PTGR1: variants seen among roughly 807,000 people sequenced by gnomAD.
PTGR1 encodes the protein prostaglandin reductase 1.
A neutral mutation model predicts 37.7 loss-of-function variants in PTGR1; 23 were observed. The ratio of observed to expected loss-of-function variants is 0.61; its 90% CI spans 0.44 to 0.86. The LOEUF is 0.86. Among genes scored for constraint, PTGR1 ranks in the 40% least tolerant of loss-of-function variants. The pLI, the probability that PTGR1 is intolerant of heterozygous loss-of-function variation, is 0.00. For synonymous variants in PTGR1, 134 were observed against 140.0 expected, an observed-to-expected ratio of 0.96 and a Z score of 0.30; for missense variants, 351 against 394.3, an observed-to-expected ratio of 0.89 and a Z score of 0.93.
intron 9 of PTGR1, among the ~76,000 whole-genome samples, chr9:111,551,619 C>T (rs1465998281): frequency 6.6e-6 from 1 of 151,938 alleles, no homozygotes; most frequent in Non-Finnish European, 1.5e-5. Context: ...CCAGGCTGTT[C>T]TCCAACTCCT....
intron 5 of PTGR1, 41 bp from the exon 6 acceptor site, chr9:111,583,630 C>T (rs952434751): frequency 3.4e-6 from 5 of 1,471,520 alleles, no homozygotes; most frequent in Non-Finnish European, 4.8e-6. Context: ...AGAGTTGTTT[C>T]TTTCCTCTAT....
chr9:111,561,485 A>G (rs1464564654), downstream of PTGR1, among the ~76,000 whole-genome samples: 1 of 152,070 alleles, frequency 6.6e-6, no homozygotes, highest in Non-Finnish European at 1.5e-5. Flanking sequence ...GTCTGGTCTC[A>G]AACTCCTGGA....
chr9:111,562,075 A>G (rs929572999), downstream of PTGR1, among the ~76,000 whole-genome samples: 4 of 152,054 alleles, frequency 2.6e-5, no homozygotes, highest in African/African-American at 7.2e-5. Flanking sequence ...TAGTAGAGAC[A>G]GGGTCTTGCC....
intron 4 of PTGR1, among the ~76,000 whole-genome samples, chr9:111,588,521 G>T (rs1829510446): frequency 7.0e-6 from 1 of 142,612 alleles, no homozygotes; most frequent in Non-Finnish European, 1.5e-5. Context: ...TGAGCCACGT[G>T]CCTGGCCAAT....
At chr9:111,574,604 TAAAAAA>T in intron 8 of PTGR1, 124 bp downstream of exon 8, 1 of 489,918 alleles carries the variant, frequency 2.0e-6, no homozygotes, top group Non-Finnish European at 3.4e-6. Context: ...GACTCTGTCT[TAAAAAA>T]AAAAAAAAAA....
rs937602007 is a variant in PTGR1, at chr9:111,594,167, T to A, written c.152+55A>T. 2.7e-6 allele frequency: 4 copies of A among 1,504,874 alleles called. No individual in the cohort carries two copies. In the South Asian group the frequency reaches 4.5e-5, roughly 17 times the overall value. 93.2% of individuals were successfully genotyped at this position (1,504,874 alleles called of 1,614,324 possible). ...TTGGATATTTTAGAAGATGAACTACTTCCAGATAGCATTTAACACAGCATT... is the reference window on the plus strand; with the variant it reads ...TTGGATATTTTAGAAGATGAACTACATCCAGATAGCATTTAACACAGCATT... On this transcript the variant is annotated intron_variant, in intron 3 of 9. Coordinates refer to ENST00000407693, the MANE Select transcript of PTGR1 (RefSeq NM_001146108.2).
intron 8 of PTGR1, 75 bp downstream of exon 8, chr9:111,574,659 G>T: frequency 2.1e-6 from 2 of 931,784 alleles, no homozygotes; most frequent in South Asian, 1.7e-5. Flanking sequence ...CAGAGTCACT[G>T]GCCTATGGCA....
chr9:111,557,369 A>C (rs1828154269), intron 9 of PTGR1, among the ~76,000 whole-genome samples: 1 of 149,526 alleles, frequency 6.7e-6, no homozygotes, highest in South Asian at 2.1e-4. Context: ...TCGAGACTCC[A>C]TCTCCAGTAA....
At chr9:111,550,782 T>A (rs1336343471) in intron 9 of PTGR1, among the ~76,000 whole-genome samples, 1 of 152,220 alleles carries the variant, frequency 6.6e-6, no homozygotes, top group Non-Finnish European at 1.5e-5. Context: ...AAGTGCATTA[T>A]CTGATTCTTT....
intron 3 of PTGR1, among the ~76,000 whole-genome samples, chr9:111,593,603 T>C (rs763547710): frequency 3.9e-5 from 6 of 152,224 alleles, no homozygotes; most frequent in Non-Finnish European, 8.8e-5. Flanking sequence ...GAAAAACTGA[T>C]TTTAGTCTTA....
In PTGR1 at chr9:111,592,976, T is replaced by C; in HGVS notation, c.159A>G (p.Ala53=). 1 of 1,107,582 alleles carries C rather than the reference T, an allele frequency of 9.0e-7. No homozygotes were observed. The highest frequency in any genetic ancestry group is 1.2e-6 in the Non-Finnish European group (1 of 815,546). The allele number at this position is 1,107,582 out of a possible 1,614,324, so 68.6% of individuals were successfully genotyped here. A position where few individuals can be genotyped will look rare whatever the true frequency, so the allele number is the denominator to read the frequency against. The change falls in exon 4 of 10, where the codon GCA becomes GCG. Residue 53 remains alanine (A), a synonymous_variant. Coordinates refer to ENST00000407693, the MANE Select transcript of PTGR1 (RefSeq NM_001146108.2). The part of the protein sequence containing the change: ...FLTVDPYMRV[A]AKRLKEGDTM... Reference sequence around the variant, plus strand: ...TATCACCTTCCTTCAATCTTTTGGCTGCCACTCTGCAAAAAAAAAAAAAAA... The same window carrying C: ...TATCACCTTCCTTCAATCTTTTGGCCGCCACTCTGCAAAAAAAAAAAAAAA...
intron 7 of PTGR1, chr9:111,576,553 T>C (rs1829063390): frequency 9.0e-7 from 1 of 1,114,688 alleles, no homozygotes; most frequent in Admixed American, 2.6e-5. Flanking sequence ...TATTAGCTAG[T>C]GGAGTGGCCA....
chr9:111,572,548 C>T (rs1394482019), intron 8 of PTGR1, among the ~76,000 whole-genome samples: 1 of 151,968 alleles, frequency 6.6e-6, no homozygotes, highest in African/African-American at 2.4e-5. Flanking sequence ...CGAGATCGTG[C>T]CATTGCACTC....
downstream of PTGR1, among the ~76,000 whole-genome samples, chr9:111,560,944 AATATATATATATATATATAT>A (rs746101013): frequency 1.3e-4 from 4 of 31,208 alleles, no homozygotes; most frequent in Non-Finnish European, 1.7e-4. Context: ...CTCCATCTAA[AATATATATATATATATATAT>A]ATATATATAT....
chr9:111,584,046 G>A (rs985422101), intron 5 of PTGR1, among the ~76,000 whole-genome samples: 6 of 152,164 alleles, frequency 3.9e-5, no homozygotes, highest in Admixed American at 2.0e-4. Flanking sequence ...GGAGCATCTG[G>A]AGCTTTCCAT....
intron 2 of PTGR1, among the ~76,000 whole-genome samples, chr9:111,596,912 G>A (rs902711316): frequency 2.4e-4 from 27 of 111,564 alleles, no homozygotes; most frequent in African/African-American, 9.2e-4. Context: ...GGGCAACAGA[G>A]CAAGACTCTG....
intron 7 of PTGR1, among the ~76,000 whole-genome samples, chr9:111,578,160 C>T (rs1230768851): frequency 2.6e-5 from 4 of 152,024 alleles, no homozygotes; most frequent in African/African-American, 9.7e-5. Flanking sequence ...TCTTCATGTA[C>T]CCCAAAATGG....
intron 3 of PTGR1, 128 bp downstream of exon 3, chr9:111,594,094 G>C (rs1829704177): frequency 1.0e-6 from 1 of 1,002,908 alleles, no homozygotes; most frequent in African/African-American, 1.6e-5. Flanking sequence ...TCTTATCACT[G>C]ATACTGGCTG....
chr9:111,557,083 A>G (rs965588630), intron 9 of PTGR1, among the ~76,000 whole-genome samples: 8 of 152,138 alleles, frequency 5.3e-5, no homozygotes, highest in African/African-American at 1.7e-4. Flanking sequence ...CATTTTCCCC[A>G]TTGTCTTGGC....
Sources: allele counts gnomAD v4.1 joint callset (sites outside exome capture counted in the v4.1 genomes callset), GRCh38; gene constraint gnomAD v4.1.1; transcripts MANE v1.5; gene names NCBI Gene and HGNC (gene_info 2026-07-23, HGNC 2026-07-21).